LRRIQ3: variants seen among roughly 807,000 people sequenced by gnomAD.
The protein encoded by LRRIQ3 is leucine-rich repeat and IQ domain-containing protein 3.
Under a neutral mutation model 59.3 loss-of-function variants are expected in LRRIQ3, and 75 were observed. The observed-to-expected ratio is 1.26, with a 90% CI of 1.05 to 1.53. The LOEUF (loss-of-function observed/expected upper bound fraction) is 1.53, where lower values mean the gene tolerates loss of function less well. Among genes scored for constraint, LRRIQ3 ranks in the 40% most tolerant of loss-of-function variants. The pLI, the probability that LRRIQ3 is intolerant of heterozygous loss-of-function variation, is 0.00. For synonymous variants in LRRIQ3, 250 were observed against 231.3 expected (o/e 1.08, Z -0.73); for missense variants, 831 against 710.0 (o/e 1.17, Z -1.94).
chr1:74,027,520 C>T (rs1337602704), intron 7 of LRRIQ3, among the ~76,000 whole-genome samples: 1 of 152,002 alleles, frequency 6.6e-6, no homozygotes, highest in Non-Finnish European at 1.5e-5. Flanking sequence ...CAAAGGTGGC[C>T]ATCTGCAAGC....
chr1:74,043,789 T>C (rs1654118549), intron 6 of LRRIQ3, among the ~76,000 whole-genome samples: 1 of 152,124 alleles, frequency 6.6e-6, no homozygotes, highest in African/African-American at 2.4e-5. Context: ...TCTTTATGGC[T>C]TTCCACCCAT....
At chr1:74,066,340 G>A (rs946671083) in intron 6 of LRRIQ3, among the ~76,000 whole-genome samples, 24 of 151,948 alleles carry the variant, frequency 1.6e-4, no homozygotes, top group African/African-American at 5.8e-4. Flanking sequence ...CAATAATAAT[G>A]AAAATTAGAT....
chr1:74,055,211 T>TATATATAC (rs1491233534), intron 6 of LRRIQ3, among the ~76,000 whole-genome samples: 8 of 127,662 alleles, frequency 6.3e-5, no homozygotes, highest in African/African-American at 2.2e-4. Flanking sequence ...TATATATATA[T>TATATATAC]ACACACACAT....
At chr1:74,133,860 T>C (rs1182645413) in intron 4 of LRRIQ3, among the ~76,000 whole-genome samples, 1 of 151,630 alleles carries the variant, frequency 6.6e-6, no homozygotes, top group Non-Finnish European at 1.5e-5. Context: ...TAAAGTATAA[T>C]AATAAAAAAA....
rs936843243 is a variant in LRRIQ3, at chr1:74,026,649, A to G, written c.*164T>C. ...TCAACTTTAAGTTAAATTATGACCAATAAGAGAAACATTTTAACTAATCTT... is the reference window on the plus strand; with the variant it reads ...TCAACTTTAAGTTAAATTATGACCAGTAAGAGAAACATTTTAACTAATCTT... On this transcript the variant is annotated 3_prime_UTR_variant, in exon 8 of 8. Transcript: ENST00000354431. 1.7e-6 allele frequency: 1 copy of G among 585,284 alleles called. No individual in the cohort carries two copies. The highest frequency in any genetic ancestry group is 2.7e-6 in the Non-Finnish European group (1 of 366,592). 36.3% of individuals were successfully genotyped at this position (585,284 alleles called of 1,614,324 possible).
At chr1:74,187,459 A>G (rs1395000448) in intron 1 of LRRIQ3, among the ~76,000 whole-genome samples, 1 of 152,116 alleles carries the variant, frequency 6.6e-6, no homozygotes, top group Non-Finnish European at 1.5e-5. Context: ...CCAGAAGGCT[A>G]TTATTCAAAG....
chr1:74,139,400 C>T (rs187082987), intron 4 of LRRIQ3, among the ~76,000 whole-genome samples: 2 of 151,826 alleles, frequency 1.3e-5, no homozygotes, highest in East Asian at 3.9e-4. Flanking sequence ...TAGTGTCATC[C>T]ATCATATGCT....
At chr1:74,058,186 T>TAGA (rs748996520) in intron 6 of LRRIQ3, among the ~76,000 whole-genome samples, 1 of 152,012 alleles carries the variant, frequency 6.6e-6, no homozygotes, top group Non-Finnish European at 1.5e-5. Context: ...AAACTAAAAA[T>TAGA]AGAAGTATCA....
chr1:74,071,022 T>C (rs1192602305), intron 6 of LRRIQ3, among the ~76,000 whole-genome samples: 3 of 56,086 alleles, frequency 5.3e-5, no homozygotes, highest in South Asian at 1.1e-3. Context: ...TATATATACA[T>C]ATATATATAT....
intron 3 of LRRIQ3, among the ~76,000 whole-genome samples, chr1:74,174,301 A>G (rs939597252): frequency 1.3e-5 from 2 of 151,082 alleles, no homozygotes; most frequent in African/African-American, 4.9e-5. Context: ...GACTGAGTCT[A>G]CTGTTGAAAC....
At chr1:74,083,083 A>G (rs1646290421) in intron 5 of LRRIQ3, 1 of 151,716 alleles carries the variant, frequency 6.6e-6, no homozygotes, top group South Asian at 2.1e-4. Flanking sequence ...ATGATGGATT[A>G]TATAACAAGG....
chr1:74,110,628 T>C (rs1281118812), intron 4 of LRRIQ3, among the ~76,000 whole-genome samples: 1 of 152,026 alleles, frequency 6.6e-6, no homozygotes, highest in Non-Finnish European at 1.5e-5. Flanking sequence ...GGTAGATGGT[T>C]ACCATTATTA....
chr1:74,099,121 GT>G lies in LRRIQ3; in HGVS notation c.867+10272del, dbSNP rs569845350. On this transcript the variant is annotated intron_variant, in intron 5 of 7. Transcript: ENST00000354431. ...AAAAAATCAATGAATTCAGGAGCTGGTTTTTTGAAAAGATCAATAAAATTGA... is the reference window on the plus strand; with the variant it reads ...AAAAAATCAATGAATTCAGGAGCTGGTTTTTGAAAAGATCAATAAAATTGA... Among the ~76,000 whole-genome samples, 452 of 152,090 alleles carry G rather than the reference GT, an allele frequency of 3.0e-3. 3 individuals carry two copies. The highest frequency in any genetic ancestry group is 5.6e-3 in the Non-Finnish European group (380 of 67,994).
intron 4 of LRRIQ3, among the ~76,000 whole-genome samples, chr1:74,139,940 T>C (rs1022932850): frequency 2.0e-5 from 3 of 151,810 alleles, no homozygotes; most frequent in East Asian, 1.9e-4. Flanking sequence ...ATAGAGTGTA[T>C]CTTCCAAAAC....
At chr1:74,098,943 G>A (rs1646489684) in intron 5 of LRRIQ3, among the ~76,000 whole-genome samples, 3 of 152,108 alleles carry the variant, frequency 2.0e-5, no homozygotes, top group Admixed American at 2.0e-4. Context: ...ATGCCCACAA[G>A]ACAAAGTAGG....
intron 1 of LRRIQ3, among the ~76,000 whole-genome samples, chr1:74,186,509 T>C (rs1557660941): frequency 6.6e-6 from 1 of 152,192 alleles, no homozygotes; most frequent in African/African-American, 2.4e-5. Context: ...ACTGTTGTAA[T>C]GAACCTGATA....
intron 5 of LRRIQ3, among the ~76,000 whole-genome samples, chr1:74,103,068 C>G (rs10789388): frequency 0.51 from 77,073 of 151,758 alleles, 20,338 homozygotes; most frequent in East Asian, 0.82. Flanking sequence ...TATACTTCTA[C>G]CTAAGTAGAC....
At chr1:74,180,876 C>A (rs1281416792) in intron 3 of LRRIQ3, 12 of 1,317,258 alleles carry the variant, frequency 9.1e-6, no homozygotes, top group Non-Finnish European at 1.3e-5. Flanking sequence ...TAGCCCAAAT[C>A]TCTACCCCTT....
intron 6 of LRRIQ3, among the ~76,000 whole-genome samples, chr1:74,059,571 G>T (rs1654640220): frequency 6.6e-6 from 1 of 152,008 alleles, no homozygotes; most frequent in Non-Finnish European, 1.5e-5. Flanking sequence ...CTTTCATTAT[G>T]CCAGTTTTCA....
Sources: gnomAD v4.1 joint callset for allele counts (sites outside exome capture counted in the v4.1 genomes callset) on GRCh38, gnomAD v4.1.1 for gene constraint, MANE v1.5 for transcripts, NCBI Gene and HGNC (gene_info 2026-07-23, HGNC 2026-07-21) for gene names.